CHMP4B: variants seen among roughly 807,000 people sequenced by gnomAD.
CHMP4B encodes the protein SNF7 homolog associated with Alix 1.
A neutral mutation model predicts 25.1 loss-of-function variants in CHMP4B; 1 was observed. The ratio of observed to expected loss-of-function variants is 0.04; its 90% confidence interval spans 0.01 to 0.19. The LOEUF is 0.19. Among genes scored for constraint, CHMP4B ranks in the 10% least tolerant of loss-of-function variants. The pLI, the probability that CHMP4B is intolerant of heterozygous loss-of-function variation, is 1.00. For missense variants in CHMP4B, 151 were observed against 289.7 expected (o/e 0.52, Z 3.48); for synonymous variants, 101 against 115.6 (o/e 0.87, Z 0.81).
chr20:33,840,387 T>A (rs1264214244), intron 1 of CHMP4B, among the ~76,000 whole-genome samples: 1 of 152,166 alleles, frequency 6.6e-6, no homozygotes, highest in Non-Finnish European at 1.5e-5. Context: ...ATCAAGTGTT[T>A]GCATAGTGAT....
chr20:33,830,933 G>GTTTTGTTTTTTTTTTTTTT (rs1555792008), intron 1 of CHMP4B, among the ~76,000 whole-genome samples: 1 of 102,576 alleles, frequency 9.7e-6, no homozygotes, highest in East Asian at 4.7e-4. Context: ...AAGGAACAGA[G>GTTTTGTTTTTTTTTTTTTT]TTTTTTTTTT....
chr20:33,852,269 CTTTGGTT>C, intron 4 of CHMP4B, 66 bp downstream of exon 4: 1 of 1,600,098 alleles, frequency 6.2e-7, no homozygotes, highest in African/African-American at 1.3e-5. Context: ...GGTCGGTTGG[CTTTGGTT>C]TGTGGTCGGT....
intron 1 of CHMP4B, among the ~76,000 whole-genome samples, chr20:33,817,142 A>G (rs1322880050): frequency 2.6e-5 from 4 of 152,212 alleles, no homozygotes; most frequent in Non-Finnish European, 5.9e-5. Flanking sequence ...CTCTTATCCC[A>G]GAGGCCCAGG....
Position 33,853,677 on chromosome 20 carries a change from T to A in CHMP4B, c.*117T>A. The A allele has an allele frequency of 4.0e-6, 3 of 752,374 alleles. No homozygotes were observed. Among genetic ancestry groups the A allele is most frequent in the African/African-American group, 1.8e-5 (1 of 54,962 alleles). The allele number at this position is 752,374 out of a possible 1,614,324, so 46.6% of individuals were successfully genotyped here. A position where few individuals can be genotyped will look rare whatever the true frequency, so the allele number is the denominator to read the frequency against. On this transcript the variant is annotated 3_prime_UTR_variant, in exon 5 of 5. Transcript: ENST00000217402. ...AGGCAGGTTCCATCGCTTTCGACTC[T>A]CACTCCAAAGCAGTAGGGCCGCGTT...
At position 33,848,584 on chromosome 20, in the gene CHMP4B, C is replaced by T. The variant is rs1166456093; in HGVS notation, c.308C>T (p.Thr103Ile). 2.5e-6 allele frequency: 4 copies of T among 1,614,116 alleles called. No homozygotes were observed. The highest frequency in any genetic ancestry group is 2.7e-5 in the African/African-American group (2 of 74,930). ...GCCCTGGAGAATGCCAACACCAACACCGAGGTGCTCAAGAACATGGGCTAT... is the reference window on the plus strand; with the variant it reads ...GCCCTGGAGAATGCCAACACCAACATCGAGGTGCTCAAGAACATGGGCTAT... ...REALENANTN[T>I]EVLKNMGYAA... Residue 103 changes from threonine to isoleucine, a missense_variant, in exon 2 of 5, where the codon ACC becomes ATC. By Grantham distance (89) the Thr-to-Ile change is moderately conservative. This residue lies in a region of CHMP4B where 82 missense variants were observed against 208.3 expected (regional missense o/e 0.39). Coordinates refer to ENST00000217402, the MANE Select transcript of CHMP4B (RefSeq NM_176812.5).
intron 1 of CHMP4B, among the ~76,000 whole-genome samples, chr20:33,812,039 C>A (rs1978638850): frequency 6.6e-6 from 1 of 152,150 alleles, no homozygotes; most frequent in Admixed American, 6.6e-5. Context: ...CCCATCCTAG[C>A]ATTTCTGTGC....
intron 1 of CHMP4B, among the ~76,000 whole-genome samples, chr20:33,834,642 T>G (rs969374736): frequency 6.6e-6 from 1 of 152,182 alleles, no homozygotes; most frequent in Non-Finnish European, 1.5e-5. Flanking sequence ...ATCCCACAAA[T>G]TTTGATATGT....
At chr20:33,819,892 G>A (rs369588768) in intron 1 of CHMP4B, among the ~76,000 whole-genome samples, 1 of 152,206 alleles carries the variant, frequency 6.6e-6, no homozygotes, top group African/African-American at 2.4e-5. Flanking sequence ...TTCTGGCCAG[G>A]CGTGGTGGCT....
chr20:33,817,212 T>C (rs1217417607), intron 1 of CHMP4B, among the ~76,000 whole-genome samples: 1 of 152,198 alleles, frequency 6.6e-6, no homozygotes, highest in Non-Finnish European at 1.5e-5. Flanking sequence ...TCAGTGACGC[T>C]TAAGTTTCTT....
chr20:33,819,229 G>A (rs141591848), intron 1 of CHMP4B, among the ~76,000 whole-genome samples: 2,258 of 152,262 alleles, frequency 0.015, 185 homozygotes, highest in Admixed American at 0.14. Context: ...CTCTTAAGGT[G>A]TGGAGTGGAC....
At chr20:33,817,164 C>T (rs931252208) in intron 1 of CHMP4B, among the ~76,000 whole-genome samples, 4 of 152,150 alleles carry the variant, frequency 2.6e-5, no homozygotes, top group Admixed American at 6.5e-5. Context: ...ATAGAAAACT[C>T]GAAATCCACC....
chr20:33,830,951 G>GTTTTTTTTT (rs1555792014), intron 1 of CHMP4B, among the ~76,000 whole-genome samples: 213 of 72,704 alleles, frequency 2.9e-3, no homozygotes, highest in East Asian at 5.0e-3. Context: ...TTTTTTTTTA[G>GTTTTTTTTT]TTTTTTTGAG....
Position 33,824,518 on chromosome 20 carries a change from T to C in CHMP4B, c.190+12860T>C, listed in dbSNP as rs150666580. On this transcript the variant is annotated intron_variant, in intron 1 of 4. Coordinates refer to ENST00000217402, the MANE Select transcript of CHMP4B (RefSeq NM_176812.5). ...GGAGACGACCAAGAGGAGACTGTTA[T>C]TACATTCTGGAATGGCTTGACAGCC... Among the ~76,000 whole-genome samples, 10 of 152,374 alleles carry C rather than the reference T, an allele frequency of 6.6e-5. No individual in the cohort carries two copies. In the East Asian group the frequency reaches 1.9e-3, roughly 29 times the overall value.
chr20:33,812,095 G>A (rs1978641213), intron 1 of CHMP4B, among the ~76,000 whole-genome samples: 1 of 152,128 alleles, frequency 6.6e-6, no homozygotes, highest in African/African-American at 2.4e-5. Context: ...GGTGGAATCT[G>A]TGAGCTGCCC....
intron 2 of CHMP4B, among the ~76,000 whole-genome samples, chr20:33,850,174 ACTGT>A (rs1194012407): frequency 1.3e-5 from 2 of 152,194 alleles, no homozygotes; most frequent in African/African-American, 2.4e-5. Context: ...TGCAACAGAG[ACTGT>A]CTGGCCATAA....
At chr20:33,851,897 G>A (rs893019094) in intron 3 of CHMP4B, among the ~76,000 whole-genome samples, 180 bp from the exon 4 acceptor site, 1 of 152,124 alleles carries the variant, frequency 6.6e-6, no homozygotes, top group Non-Finnish European at 1.5e-5. Flanking sequence ...GCAGTGATAC[G>A]TTCCCCAGTA....
intron 2 of CHMP4B, among the ~76,000 whole-genome samples, chr20:33,850,636 A>G (rs183332213): frequency 6.6e-6 from 1 of 152,320 alleles, no homozygotes; most frequent in African/African-American, 2.4e-5. Context: ...AAAAAGAGCT[A>G]TTGGCCCAGG....
intron 1 of CHMP4B, among the ~76,000 whole-genome samples, chr20:33,838,021 A>G (rs1390681896): frequency 6.6e-6 from 1 of 152,214 alleles, no homozygotes; most frequent in Admixed American, 6.5e-5. Context: ...GGACTTGCTC[A>G]GTGACATACT....
chr20:33,842,929 C>T (rs1218459003), intron 1 of CHMP4B, among the ~76,000 whole-genome samples: 5 of 152,206 alleles, frequency 3.3e-5, no homozygotes, highest in South Asian at 2.1e-4. Flanking sequence ...CTATACTGAA[C>T]GCCCCCAGAT....
Sources: allele counts gnomAD v4.1 joint callset (sites outside exome capture counted in the v4.1 genomes callset), GRCh38; gene constraint gnomAD v4.1.1; regional missense constraint gnomAD v4.1.1; transcripts MANE v1.5; gene names NCBI Gene and HGNC (gene_info 2026-07-23, HGNC 2026-07-21).